The following PTPRM variants were observed in gnomAD, a reference collection of about 807,000 sequenced individuals.
PTPRM encodes the protein protein tyrosine phosphatase receptor type M.
PTPRM carries 47 observed loss-of-function variants against 186.7 expected under a neutral mutation model. The observed-to-expected ratio is 0.25, with a 90% CI of 0.20 to 0.32. The LOEUF is 0.32. Ranked by LOEUF, PTPRM falls within the 10% of genes least tolerant of loss-of-function variation. The probability of loss-of-function intolerance (pLI) is 1.00; values close to 1 mark genes in which losing one functional copy is unlikely to be tolerated. For missense variants in PTPRM, 1,494 were observed against 1,865.0 expected (o/e 0.80, Z 3.66); for synonymous variants, 668 against 674.9 (o/e 0.99, Z 0.16).
chr18:7,579,924 C>A (rs1402051863), intron 1 of PTPRM, among the ~76,000 whole-genome samples: 1 of 152,170 alleles, frequency 6.6e-6, no homozygotes, highest in Non-Finnish European at 1.5e-5. Context: ...GTCTCACAAA[C>A]CTCAAAATGG....
chr18:7,982,825 G>C (rs1262243311), intron 7 of PTPRM, among the ~76,000 whole-genome samples: 1 of 151,968 alleles, frequency 6.6e-6, no homozygotes, highest in South Asian at 2.1e-4. Context: ...TATGTGGTTC[G>C]TTGTTGATGG....
In PTPRM at chr18:7,955,302, T is replaced by C. The variant is rs1568071727; in HGVS notation, c.1020T>C (p.Ile340=). 5.6e-6 allele frequency: 9 copies of C among 1,614,180 alleles called. No individual in the cohort carries two copies. The highest frequency in any genetic ancestry group is 1.7e-5 in the Admixed American group (1 of 60,022). Residue 340 remains isoleucine, a synonymous_variant, in exon 7 of 33, where the codon ATT becomes ATC. Coordinates refer to ENST00000580170, the MANE Select transcript of PTPRM (RefSeq NM_001105244.2). ...RQPVDSTSYK[I]GHLDPDTEYE... is the part of the protein sequence containing the mutation. ...CAGTCGATTCCACGAGCTATAAAAT[T>C]GGACACCTTGACCCAGATACAGAAT... is the stretch of plus-strand genomic sequence containing the variant.
intron 14 of PTPRM, among the ~76,000 whole-genome samples, chr18:8,147,439 GCTCT>G (rs752093291): frequency 3.3e-5 from 5 of 152,176 alleles, no homozygotes; most frequent in East Asian, 3.9e-4. Context: ...TCATGATTTG[GCTCT>G]CTGTTTGTCT....
intron 14 of PTPRM, among the ~76,000 whole-genome samples, chr18:8,238,338 C>T (rs12960329): frequency 0.22 from 33,777 of 151,850 alleles, 3,932 homozygotes; most frequent in Middle Eastern, 0.4. Context: ...GAGGTTTTTA[C>T]TGAGATAATC....
At position 8,085,668 on chromosome 18, in the gene PTPRM, C is replaced by T; in HGVS notation, c.1552-3C>T. On this transcript the variant is annotated splice_polypyrimidine_tract_variant and splice_region_variant and intron_variant, in intron 9 of 32. Coordinates refer to ENST00000580170, the MANE Select transcript of PTPRM (RefSeq NM_001105244.2). The stretch of plus-strand genomic sequence containing the variant: ...ATTTTATCACTTTCTCATTCTTTTG[C>T]AGATCACCTACAAAGCAGTCAGTTC... The T allele has an allele frequency of 1.3e-6, 2 of 1,586,950 alleles. No homozygotes were observed. Among genetic ancestry groups the T allele is most frequent in the South Asian group, 2.2e-5 (2 of 90,522 alleles).
At chr18:7,630,151 A>C (rs1222316560) in intron 1 of PTPRM, among the ~76,000 whole-genome samples, 1 of 152,166 alleles carries the variant, frequency 6.6e-6, no homozygotes, top group Non-Finnish European at 1.5e-5. Flanking sequence ...GTTAGAGCTC[A>C]GAAGGAGAGG....
At chr18:7,893,400 C>G (rs999169384) in intron 3 of PTPRM, among the ~76,000 whole-genome samples, 7 of 152,280 alleles carry the variant, frequency 4.6e-5, no homozygotes, top group Admixed American at 3.3e-4. Flanking sequence ...CACTCCTTTC[C>G]CATTCTACTT....
intron 7 of PTPRM, among the ~76,000 whole-genome samples, chr18:7,984,602 T>TATATATATATATACAC (rs1214502563): frequency 2.5e-4 from 22 of 87,166 alleles, no homozygotes; most frequent in African/African-American, 7.9e-4. Context: ...TATATATATA[T>TATATATATATATACAC]ACACACACAC....
intron 2 of PTPRM, among the ~76,000 whole-genome samples, chr18:7,886,993 A>G (rs911576519): frequency 1.3e-5 from 2 of 152,226 alleles, no homozygotes; most frequent in Admixed American, 6.5e-5. Flanking sequence ...GTGTGTGTTT[A>G]CTGATAATGT....
intron 22 of PTPRM, among the ~76,000 whole-genome samples, chr18:8,335,127 T>G (rs1382807027): frequency 6.6e-6 from 1 of 152,232 alleles, no homozygotes; most frequent in East Asian, 1.9e-4. Context: ...AAATCTGAAC[T>G]TGCAAATCTT....
At chr18:8,293,338 A>G (rs1181268232) in intron 19 of PTPRM, among the ~76,000 whole-genome samples, 2 of 152,216 alleles carry the variant, frequency 1.3e-5, no homozygotes, top group Non-Finnish European at 2.9e-5. Context: ...TGCTGAAGAA[A>G]CACAGCTGTG....
intron 3 of PTPRM, among the ~76,000 whole-genome samples, chr18:7,906,213 C>T (rs1257316865): frequency 6.6e-6 from 1 of 152,128 alleles, no homozygotes; most frequent in East Asian, 1.9e-4. Flanking sequence ...CTTGCTTTTC[C>T]TACAGTGTAT....
chr18:7,722,943 T>C (rs2040476302), intron 1 of PTPRM, among the ~76,000 whole-genome samples: 1 of 152,158 alleles, frequency 6.6e-6, no homozygotes, highest in African/African-American at 2.4e-5. Flanking sequence ...TAAACTCAGG[T>C]CTGAGCCACT....
chr18:8,122,558 A>G (rs1227775464), intron 13 of PTPRM, among the ~76,000 whole-genome samples: 5 of 152,208 alleles, frequency 3.3e-5, no homozygotes, highest in African/African-American at 1.2e-4. Flanking sequence ...GTCTGTTGGT[A>G]TGTTTCTTTC....
At chr18:8,324,453 A>C (rs905317038) in intron 22 of PTPRM, among the ~76,000 whole-genome samples, 4 of 152,350 alleles carry the variant, frequency 2.6e-5, no homozygotes. Flanking sequence ...AATGACAGAG[A>C]CTAGAGTAGC....
chr18:8,254,743 G>A (rs747285490), intron 19 of PTPRM, among the ~76,000 whole-genome samples: 10 of 152,150 alleles, frequency 6.6e-5, no homozygotes, highest in Non-Finnish European at 1.2e-4. Context: ...CTTTTTCCAA[G>A]CTTGATCATC....
At chr18:7,672,146 G>A (rs770357635) in intron 1 of PTPRM, among the ~76,000 whole-genome samples, 16 of 152,106 alleles carry the variant, frequency 1.1e-4, no homozygotes, top group Non-Finnish European at 1.9e-4. Flanking sequence ...AATGGGTGGC[G>A]TGTTTTTTCA....
At position 7,738,745 on chromosome 18, in the gene PTPRM, C is replaced by T. The variant is rs148067307; in HGVS notation, c.74-35404C>T. On this transcript the variant is annotated intron_variant, in intron 1 of 32. Coordinates refer to ENST00000580170, the MANE Select transcript of PTPRM (RefSeq NM_001105244.2). ...TGTGAGCCACTGCGCCCGGCCAGTT[C>T]GTTCAACTTTTGAAGCATTGGTTGT... Among the ~76,000 whole-genome samples, 461 of 152,084 alleles carry T rather than the reference C, an allele frequency of 3.0e-3. 1 individual carries two copies. The highest frequency in any genetic ancestry group is 0.017 in the Middle Eastern group (5 of 294).
intron 19 of PTPRM, among the ~76,000 whole-genome samples, chr18:8,271,520 C>A (rs1315597012): frequency 2.0e-5 from 3 of 151,764 alleles, no homozygotes; most frequent in Non-Finnish European, 4.4e-5. Flanking sequence ...ATAATATCTG[C>A]TTTTTAAAAT....
Sources: allele counts gnomAD v4.1 joint callset (sites outside exome capture counted in the v4.1 genomes callset), GRCh38; gene constraint gnomAD v4.1.1; transcripts MANE v1.5; gene names NCBI Gene and HGNC (gene_info 2026-07-23, HGNC 2026-07-21).